The following RBFOX1 variants were observed in gnomAD, a reference collection of about 807,000 sequenced individuals.
RBFOX1 encodes RNA binding protein fox-1 homolog 1.
In RBFOX1, 8 loss-of-function variants were observed where a neutral mutation model predicts 57.7. That is an observed-to-expected ratio of 0.14 (90% CI 0.08 to 0.25). The LOEUF (loss-of-function observed/expected upper bound fraction) is 0.25. RBFOX1 is among the 10% of genes least tolerant of loss of function. RBFOX1 has a pLI of 1.00. For missense variants in RBFOX1, 611 were observed against 548.5 expected (o/e 1.11, Z -1.14); for synonymous variants, 326 against 222.4 (o/e 1.47, Z -4.15).
At chr16:7,597,281 A>T in intron 8 of RBFOX1, 90 bp from the exon 9 acceptor site, 1 of 904,680 alleles carries the variant, frequency 1.1e-6, no homozygotes, top group Non-Finnish European at 1.7e-6. Flanking sequence ...TTTCTTTTTT[A>T]ATAAGTAATC....
At chr16:5,889,217 A>G (rs972429153) in intron 4 of RBFOX1, among the ~76,000 whole-genome samples, 14 of 152,122 alleles carry the variant, frequency 9.2e-5, no homozygotes, top group Non-Finnish European at 1.6e-4. Context: ...TCCATTAACT[A>G]TTCCTCCTGA....
At chr16:6,630,450 A>G (rs1278305283) in intron 2 of RBFOX1, among the ~76,000 whole-genome samples, 1 of 152,208 alleles carries the variant, frequency 6.6e-6, no homozygotes, top group African/African-American at 2.4e-5. Flanking sequence ...CTTAATGGTG[A>G]TATAACATCA....
chr16:6,157,398 C>T (rs1245351344), intron 1 of RBFOX1, among the ~76,000 whole-genome samples: 1 of 152,134 alleles, frequency 6.6e-6, no homozygotes, highest in Non-Finnish European at 1.5e-5. Context: ...TCCTTAGTAT[C>T]AGTATGGCCT....
At chr16:5,284,756 ATTTT>A (rs1166998032) in intron 1 of RBFOX1, among the ~76,000 whole-genome samples, 16 of 61,048 alleles carry the variant, frequency 2.6e-4, no homozygotes, top group East Asian at 1.2e-3. Context: ...TTTGGCTTAG[ATTTT>A]TTTTTTTTTT....
chr16:7,450,586 A>G (rs181908031), intron 4 of RBFOX1, among the ~76,000 whole-genome samples: 5 of 152,204 alleles, frequency 3.3e-5, no homozygotes, highest in African/African-American at 1.2e-4. Flanking sequence ...TTAAGGAGGA[A>G]AAGAGCGTTA....
intron 9 of RBFOX1, among the ~76,000 whole-genome samples, chr16:7,605,994 G>C (rs1287050861): frequency 6.6e-6 from 1 of 151,944 alleles, no homozygotes; most frequent in Non-Finnish European, 1.5e-5. Context: ...TTTTAGTAGA[G>C]TCAAGGTTTC....
chr16:6,014,348 A>G (rs1260437849), upstream of RBFOX1, among the ~76,000 whole-genome samples: 2 of 152,200 alleles, frequency 1.3e-5, no homozygotes, highest in African/African-American at 4.8e-5. Flanking sequence ...CAAGTAGAAG[A>G]GGAAAAACTA....
chr16:5,791,639 G>T (rs926936213), intron 3 of RBFOX1, among the ~76,000 whole-genome samples: 12 of 152,146 alleles, frequency 7.9e-5, no homozygotes, highest in African/African-American at 2.7e-4. Flanking sequence ...TCACACTATA[G>T]CAAGTATTAG....
intron 2 of RBFOX1, among the ~76,000 whole-genome samples, chr16:6,419,924 A>G (rs1009039190): frequency 6.6e-6 from 1 of 152,166 alleles, no homozygotes; most frequent in African/African-American, 2.4e-5. Context: ...TAATGCACGG[A>G]GAGTCAAAGA....
intron 4 of RBFOX1, among the ~76,000 whole-genome samples, chr16:5,944,641 C>T (rs1293831344): frequency 2.0e-5 from 3 of 151,272 alleles, no homozygotes; most frequent in African/African-American, 7.3e-5. Flanking sequence ...CCATTGTCAC[C>T]TTTGGAAGTC....
At chr16:6,843,960 T>A (rs1213947032) in intron 3 of RBFOX1, among the ~76,000 whole-genome samples, 1 of 152,182 alleles carries the variant, frequency 6.6e-6, no homozygotes, top group Non-Finnish European at 1.5e-5. Context: ...AAGGCTTGCT[T>A]GGATCGTAAT....
At chr16:7,152,953 G>C (rs1370011218) in intron 4 of RBFOX1, among the ~76,000 whole-genome samples, 2 of 152,214 alleles carry the variant, frequency 1.3e-5, no homozygotes, top group African/African-American at 4.8e-5. Context: ...GAACCAAGGA[G>C]TGGCCATTGC....
At chr16:5,924,329 C>T (rs566016675) in intron 4 of RBFOX1, among the ~76,000 whole-genome samples, 2 of 152,078 alleles carry the variant, frequency 1.3e-5, no homozygotes, top group Non-Finnish European at 2.9e-5. Flanking sequence ...CCCTCCAAAC[C>T]TCATGTTAAA....
chr16:7,231,801 A>T (rs1438067824), intron 4 of RBFOX1, among the ~76,000 whole-genome samples: 1 of 152,206 alleles, frequency 6.6e-6, no homozygotes, highest in Non-Finnish European at 1.5e-5. Flanking sequence ...ACCCAGAATC[A>T]AAAGACCACA....
chr16:5,613,497 T>C (rs1220217869), intron 3 of RBFOX1, among the ~76,000 whole-genome samples: 1 of 152,142 alleles, frequency 6.6e-6, no homozygotes, highest in Non-Finnish European at 1.5e-5. Flanking sequence ...CTGAGATTTG[T>C]GGTCTAAAAC....
intron 2 of RBFOX1, among the ~76,000 whole-genome samples, chr16:5,558,911 C>A (rs1038169675): frequency 6.6e-6 from 1 of 152,092 alleles, no homozygotes; most frequent in African/African-American, 2.4e-5. Flanking sequence ...TGTCTGGGAC[C>A]ACCCCTTAGA....
At chr16:7,468,310 G>T (rs377692097) in intron 4 of RBFOX1, among the ~76,000 whole-genome samples, 1 of 152,124 alleles carries the variant, frequency 6.6e-6, no homozygotes, top group Admixed American at 6.5e-5. Context: ...ATAAGACTGT[G>T]CTTTAGATTA....
intron 4 of RBFOX1, among the ~76,000 whole-genome samples, chr16:7,057,791 T>G (rs1047314541): frequency 1.3e-5 from 2 of 152,090 alleles, no homozygotes; most frequent in African/African-American, 4.8e-5. Context: ...GTGGATCACC[T>G]GAGATCAGGA....
chr16:5,391,697 T>C (rs1448172558), intron 1 of RBFOX1, among the ~76,000 whole-genome samples: 1 of 152,132 alleles, frequency 6.6e-6, no homozygotes, highest in Non-Finnish European at 1.5e-5. Context: ...AGGTAGTGTC[T>C]TCCCTGTGTC....
Sources: allele counts gnomAD v4.1 joint callset (sites outside exome capture counted in the v4.1 genomes callset), GRCh38; gene constraint gnomAD v4.1.1; transcripts MANE v1.5; gene names NCBI Gene and HGNC (gene_info 2026-07-23, HGNC 2026-07-21).